GTF3C2: variants seen among roughly 807,000 people sequenced by gnomAD.
The protein encoded by GTF3C2 is general transcription factor IIIC subunit 2, also known as general transcription factor 3C polypeptide 2.
A neutral mutation model predicts 117.4 loss-of-function variants in GTF3C2; 17 were observed. That is an observed-to-expected ratio of 0.14 (90% confidence interval 0.10 to 0.22). The LOEUF (loss-of-function observed/expected upper bound fraction) is 0.22. Among genes scored for constraint, GTF3C2 ranks in the 10% least tolerant of loss-of-function variants. The probability of loss-of-function intolerance (pLI) is 1.00; values close to 1 mark genes in which losing one functional copy is unlikely to be tolerated. For missense variants in GTF3C2, 888 were observed against 1,143.6 expected (o/e 0.78, Z 3.22); for synonymous variants, 437 against 427.0 (o/e 1.02, Z -0.29).
At chr2:27,341,793 A>G (rs1374204689) in intron 4 of GTF3C2, 155 bp downstream of exon 4, 1 of 624,416 alleles carries the variant, frequency 1.6e-6, no homozygotes, top group Non-Finnish European at 2.8e-6. Context: ...CGCTCTCCCT[A>G]ATATGCCAAA....
rs1474099862 is a variant in GTF3C2, at chr2:27,329,970, C to A, written c.1733-447G>T. ...GACCAGCCTGATCAACATGGTGAAA[C>A]CCCGTCTCTACTAAAAATACAAAAA... On this transcript the variant is annotated intron_variant, in intron 12 of 18. Coordinates refer to ENST00000264720, the Ensembl canonical transcript of GTF3C2. The surrounding 1 kb of genome is among the most constrained non-coding windows in gnomAD (Gnocchi z 4.5). 1.3e-5 allele frequency among the ~76,000 whole-genome samples: 2 copies of A among 151,530 alleles called. No individual in the cohort carries two copies. Among genetic ancestry groups the A allele is most frequent in the East Asian group, 3.9e-4 (2 of 5,130 alleles).
At chr2:27,347,892 G>C (rs922564730) in intron 1 of GTF3C2, among the ~76,000 whole-genome samples, 2 of 152,140 alleles carry the variant, frequency 1.3e-5, no homozygotes, top group Non-Finnish European at 2.9e-5. Flanking sequence ...CCTGCACTTA[G>C]GGAGGCAGAG....
rs550971239 is a variant in GTF3C2 at position 27,329,294 on chromosome 2, C to T, written c.1878-12G>A. The T allele has an allele frequency of 7.4e-6, 12 of 1,614,138 alleles. No individual in the cohort carries two copies. The highest frequency in any genetic ancestry group is 1.6e-4 in the Middle Eastern group (1 of 6,062). Reference sequence around the variant, plus strand: ...AGACAAGGAAATGGCTGTAAAAAGACGGGAGAAGGTCAAATCCAAACAAAT... The same window carrying T: ...AGACAAGGAAATGGCTGTAAAAAGATGGGAGAAGGTCAAATCCAAACAAAT... On this transcript the variant is annotated splice_polypyrimidine_tract_variant and intron_variant, in intron 13 of 18. Transcript: ENST00000264720. This position sits in a 1 kb window ranked among gnomAD's most constrained non-coding sequence, Gnocchi z 4.5.
chr2:27,335,203 G>A (rs1680415710), intron 10 of GTF3C2: 2 of 473,878 alleles, frequency 4.2e-6, no homozygotes, highest in Admixed American at 2.4e-5. Context: ...ACAAGAGATT[G>A]TGTTTGTGTG....
chr2:27,335,546 T>G, intron 10 of GTF3C2, 52 bp downstream of exon 10: 1 of 1,029,250 alleles, frequency 9.7e-7, no homozygotes, highest in Non-Finnish European at 1.5e-6. Context: ...CAGGCCCTGC[T>G]ATGCTGTGAC....
intron 12 of GTF3C2, among the ~76,000 whole-genome samples, chr2:27,332,847 T>C (rs911283515): frequency 4.6e-5 from 7 of 151,418 alleles, no homozygotes; most frequent in Admixed American, 4.0e-4. Flanking sequence ...TCCCCAGTAG[T>C]TGGGACTACA....
chr2:27,353,099 A>C (rs1457231361), intron 1 of GTF3C2, among the ~76,000 whole-genome samples: 1 of 152,318 alleles, frequency 6.6e-6, no homozygotes, highest in South Asian at 2.1e-4. Flanking sequence ...AATACTATAA[A>C]GATAGCAACA....
At chr2:27,326,665 T>C in exon 19 of GTF3C2, 1 of 1,604,968 alleles carries the variant, frequency 6.2e-7, no homozygotes, top group Non-Finnish European at 8.5e-7. Flanking sequence ...GGATCTGGTG[T>C]GGGCCAAGGC....
At chr2:27,356,579 G>C (rs919841630) in intron 1 of GTF3C2, 160 bp downstream of exon 1, 7 of 181,160 alleles carry the variant, frequency 3.9e-5, no homozygotes, top group Admixed American at 2.2e-4. Flanking sequence ...TGCGGAGCAT[G>C]ATGGTGCTCT....
chr2:27,338,442 GCGCGCA>G (rs779601793), intron 4 of GTF3C2, among the ~76,000 whole-genome samples: 54 of 112,142 alleles, frequency 4.8e-4, no homozygotes, highest in South Asian at 8.1e-4. Flanking sequence ...CTCTACACAG[GCGCGCA>G]CGCGCACGCG....
intron 6 of GTF3C2, 25 bp from the exon 7 acceptor site, chr2:27,337,367 C>T: frequency 6.4e-7 from 1 of 1,551,578 alleles, no homozygotes; most frequent in Non-Finnish European, 8.9e-7. Context: ...AGGGAACAGT[C>T]TAAATTTGGA....
chr2:27,340,115 C>G (rs1262403148), intron 4 of GTF3C2: 1 of 151,982 alleles, frequency 6.6e-6, no homozygotes, highest in Non-Finnish European at 1.5e-5. Context: ...ACCATTTAAG[C>G]TGGAAACTGC....
In GTF3C2 at chr2:27,337,349, G is replaced by A. The variant is rs375659792; in HGVS notation, c.1029-7C>T. On this transcript the variant is annotated splice_polypyrimidine_tract_variant and splice_region_variant and intron_variant, in intron 6 of 18. Coordinates refer to ENST00000264720, the Ensembl canonical transcript of GTF3C2. The stretch of plus-strand genomic sequence containing the variant: ...CAGGTAGGGAGCGGCCTCACTGGGG[G>A]AAGACAAAGGGAACAGTCTAAATTT... 1.4e-5 allele frequency: 22 copies of A among 1,583,912 alleles called. No individual in the cohort carries two copies. In the South Asian group the frequency reaches 2.0e-4, roughly 14 times the overall value.
chr2:27,344,491 C>T (rs775126067), intron 1 of GTF3C2, among the ~76,000 whole-genome samples: 1 of 152,112 alleles, frequency 6.6e-6, no homozygotes, highest in Non-Finnish European at 1.5e-5. Context: ...AACACACACA[C>T]ACAGACATAC....
At chr2:27,356,628 G>T in intron 1 of GTF3C2, 111 bp downstream of exon 1, 1 of 159,064 alleles carries the variant, frequency 6.3e-6, no homozygotes, top group Admixed American at 5.9e-5. Flanking sequence ...TGCTGTGGCT[G>T]GGAGAAGAGC....
At chr2:27,343,219 C>T (rs1218849741) in intron 2 of GTF3C2, 72 bp from the exon 3 acceptor site, 6 of 1,522,008 alleles carry the variant, frequency 3.9e-6, no homozygotes, top group Non-Finnish European at 5.4e-6. Context: ...TACACTGTAC[C>T]CAGGTTTGTA....
chr2:27,335,688 A>T (rs950714957), exon 10 of GTF3C2: 1 of 1,560,928 alleles, frequency 6.4e-7, no homozygotes. Flanking sequence ...AAGAGACCCA[A>T]CCGGGGCAGG....
chr2:27,335,874 G>T, intron 9 of GTF3C2, 43 bp downstream of exon 9: 1 of 1,348,622 alleles, frequency 7.4e-7, no homozygotes, highest in Non-Finnish European at 1.1e-6. Flanking sequence ...TCTTTGTCCT[G>T]GCTTTGAGTC....
exon 19 of GTF3C2, chr2:27,326,777 C>G (rs147156644): frequency 2.5e-6 from 4 of 1,613,920 alleles, no homozygotes; most frequent in Non-Finnish European, 3.4e-6. Context: ...GGCTTTCAAG[C>G]TGCATACGGT....
Sources: gnomAD v4.1 joint callset for allele counts (sites outside exome capture counted in the v4.1 genomes callset) on GRCh38, gnomAD v4.1.1 for gene constraint, Gnocchi (gnomAD v3.1) non-coding constraint, MANE v1.5 for transcripts, NCBI Gene and HGNC (gene_info 2026-07-23, HGNC 2026-07-21) for gene names.